The following KIAA1217 variants were observed in gnomAD, a reference collection of about 807,000 sequenced individuals.
KIAA1217 encodes sickle tail protein homolog.
Under a neutral mutation model 163.9 loss-of-function variants are expected in KIAA1217, and 88 were observed. That is an observed-to-expected ratio of 0.54 (90% CI 0.45 to 0.64). The LOEUF (loss-of-function observed/expected upper bound fraction) is 0.64, where lower values mean the gene tolerates loss of function less well. Ranked by LOEUF, KIAA1217 falls within the 30% of genes least tolerant of loss-of-function variation. The pLI, the probability that KIAA1217 is intolerant of heterozygous loss-of-function variation, is 0.00. For missense variants in KIAA1217, 2,372 were observed against 2,475.0 expected (o/e 0.96, Z 0.88); for synonymous variants, 903 against 923.1 (o/e 0.98, Z 0.39).
chr10:24,119,293 C>G (rs1439691699), intron 2 of KIAA1217, among the ~76,000 whole-genome samples: 3 of 152,126 alleles, frequency 2.0e-5, no homozygotes, highest in African/African-American at 4.8e-5. Flanking sequence ...CCCTAGCAAG[C>G]AAACCAATTT....
chr10:24,216,986 C>A (rs2068910407), intron 1 of KIAA1217, among the ~76,000 whole-genome samples: 1 of 122,482 alleles, frequency 8.2e-6, no homozygotes, highest in African/African-American at 3.1e-5. Context: ...GAGCCATGAT[C>A]ATGCTACTGC....
At chr10:24,239,461 A>T (rs2072747007) in intron 2 of KIAA1217, 1 of 233,648 alleles carries the variant, frequency 4.3e-6, no homozygotes, top group Non-Finnish European at 6.9e-6. Flanking sequence ...GCTTTCCCAT[A>T]GCAATGTTCG....
chr10:23,926,734 T>TAAATAAATAAATAAAA (rs1264150505), intron 1 of KIAA1217, among the ~76,000 whole-genome samples: 6 of 149,974 alleles, frequency 4.0e-5, no homozygotes, highest in African/African-American at 1.5e-4. Flanking sequence ...CAAAAATAAA[T>TAAATAAATAAATAAAA]AAATAAATAA....
At chr10:24,274,476 CT>C (rs1400562038) in intron 2 of KIAA1217, among the ~76,000 whole-genome samples, 1 of 152,142 alleles carries the variant, frequency 6.6e-6, no homozygotes, top group Admixed American at 6.6e-5. Context: ...AAAGATGAAC[CT>C]GCTACATCTA....
At chr10:24,116,874 T>G (rs1220329658) in intron 2 of KIAA1217, among the ~76,000 whole-genome samples, 2 of 152,196 alleles carry the variant, frequency 1.3e-5, no homozygotes, top group African/African-American at 4.8e-5. Context: ...AGAAGGATGT[T>G]TAACACACAT....
chr10:24,370,971 T>C (rs1313110971), intron 2 of KIAA1217, among the ~76,000 whole-genome samples: 1 of 152,206 alleles, frequency 6.6e-6, no homozygotes, highest in Non-Finnish European at 1.5e-5. Context: ...GGTGAAAGTC[T>C]GAGTTAATGA....
In KIAA1217 at chr10:23,773,598, C is replaced by T. The variant is rs552891131; in HGVS notation, c.-321+78364C>T. 4.3e-4 allele frequency among the ~76,000 whole-genome samples: 65 copies of T among 152,226 alleles called. 1 individual carries two copies. Among genetic ancestry groups the T allele is most frequent in the Admixed American group, 2.2e-3 (33 of 15,262 alleles). Reference sequence around the variant, plus strand: ...TATTGATTCTTCCTACCCATGAGCACAGAATGTTCTTCCATTTGTTTGTAT... The same window carrying T: ...TATTGATTCTTCCTACCCATGAGCATAGAATGTTCTTCCATTTGTTTGTAT... On this transcript the variant is annotated intron_variant, in intron 1 of 18. Coordinates refer to the KIAA1217 transcript ENST00000376462.
intron 2 of KIAA1217, among the ~76,000 whole-genome samples, chr10:24,286,158 G>A (rs1026708260): frequency 6.6e-6 from 1 of 152,006 alleles, no homozygotes. Flanking sequence ...CTTTTCATAT[G>A]TTTATATGCA....
At chr10:23,898,989 G>T (rs1483013325) in intron 1 of KIAA1217, among the ~76,000 whole-genome samples, 1 of 152,102 alleles carries the variant, frequency 6.6e-6, no homozygotes, top group Non-Finnish European at 1.5e-5. Flanking sequence ...GTGTATAGCT[G>T]TTGTTGACTA....
chr10:23,857,272 C>T (rs1278292077), intron 1 of KIAA1217, among the ~76,000 whole-genome samples: 1 of 152,182 alleles, frequency 6.6e-6, no homozygotes, highest in African/African-American at 2.4e-5. Flanking sequence ...CATCTTATTC[C>T]TCAGACTATG....
intron 2 of KIAA1217, among the ~76,000 whole-genome samples, chr10:24,161,025 CT>C (rs1334828422): frequency 1.3e-5 from 2 of 152,178 alleles, no homozygotes; most frequent in African/African-American, 4.8e-5. Context: ...AGTTTCCTAC[CT>C]GTAAACTTTT....
chr10:23,987,697 T>A (rs1846044049), intron 1 of KIAA1217, among the ~76,000 whole-genome samples: 1 of 152,138 alleles, frequency 6.6e-6, no homozygotes, highest in African/African-American at 2.4e-5. Flanking sequence ...ATTCAATATA[T>A]TTTTATAACT....
chr10:24,488,662 A>G (rs2065708265), intron 6 of KIAA1217, among the ~76,000 whole-genome samples: 1 of 152,250 alleles, frequency 6.6e-6, no homozygotes, highest in African/African-American at 2.4e-5. Context: ...TTGAAGCTTT[A>G]CCACAAATTC....
At chr10:24,067,412 A>G (rs1047720057) in intron 2 of KIAA1217, among the ~76,000 whole-genome samples, 2 of 152,208 alleles carry the variant, frequency 1.3e-5, no homozygotes, top group Admixed American at 6.5e-5. Context: ...GGTCCACTCC[A>G]GACCCTGTTT....
At chr10:24,417,899 A>G (rs568374762) in intron 3 of KIAA1217, among the ~76,000 whole-genome samples, 2 of 150,596 alleles carry the variant, frequency 1.3e-5, no homozygotes, top group East Asian at 3.9e-4. Flanking sequence ...TAAGTGGAAT[A>G]AAAGTATAAA....
At chr10:24,273,222 T>C (rs560745952) in intron 2 of KIAA1217, among the ~76,000 whole-genome samples, 3 of 152,326 alleles carry the variant, frequency 2.0e-5, no homozygotes, top group African/African-American at 7.2e-5. Flanking sequence ...AATTTCCCTA[T>C]GGTTACTATC....
chr10:24,373,362 C>T (rs553002208), intron 2 of KIAA1217, among the ~76,000 whole-genome samples: 1 of 152,242 alleles, frequency 6.6e-6, no homozygotes, highest in South Asian at 2.1e-4. Flanking sequence ...CCTCCTTTCC[C>T]CTTCTGGAGG....
intron 2 of KIAA1217, among the ~76,000 whole-genome samples, chr10:24,105,761 A>G (rs1217813805): frequency 6.6e-6 from 1 of 152,228 alleles, no homozygotes; most frequent in Non-Finnish European, 1.5e-5. Flanking sequence ...TGAAGAAACA[A>G]ATGAAAAGAC....
At chr10:24,150,423 G>A (rs997813940) in intron 2 of KIAA1217, among the ~76,000 whole-genome samples, 13 of 152,144 alleles carry the variant, frequency 8.5e-5, no homozygotes, top group African/African-American at 3.1e-4. Flanking sequence ...TACCTCCAGA[G>A]ACTAGTCTGA....
Sources: gnomAD v4.1 joint callset for allele counts (sites outside exome capture counted in the v4.1 genomes callset) on GRCh38, gnomAD v4.1.1 for gene constraint, MANE v1.5 for transcripts, NCBI Gene and HGNC (gene_info 2026-07-23, HGNC 2026-07-21) for gene names.